The following PLEC variants were observed in gnomAD, a reference collection of about 807,000 sequenced individuals.
PLEC encodes the protein hemidesmosomal protein 1.
In PLEC, 216 loss-of-function variants were observed where a neutral mutation model predicts 392.8. That is an observed-to-expected ratio of 0.55 (90% CI 0.49 to 0.62). The LOEUF (loss-of-function observed/expected upper bound fraction) is 0.62. Ranked by LOEUF, PLEC falls within the 20% of genes least tolerant of loss-of-function variation. The probability of loss-of-function intolerance (pLI) is 0.00; values close to 1 mark genes in which losing one functional copy is unlikely to be tolerated. For missense variants in PLEC, 6,863 were observed against 6,563.4 expected (o/e 1.05, Z -1.58); for synonymous variants, 3,621 against 2,980.6 (o/e 1.21, Z -7.00).
At chr8:143,945,134 C>T (rs1049081003) in intron 1 of PLEC, 2 of 417,596 alleles carry the variant, frequency 4.8e-6, no homozygotes, top group Admixed American at 3.6e-5. Context: ...CCCATTCTCC[C>T]AGAGGGCCCT....
chr8:143,952,951 AC>A (rs1554737792), upstream of PLEC, among the ~76,000 whole-genome samples: 1 of 143,262 alleles, frequency 7.0e-6, no homozygotes, highest in Admixed American at 6.9e-5. Context: ...TTCCTGGCCC[AC>A]CCTGCCAGCT....
At chr8:143,938,458 G>T (rs1042269990) in intron 2 of PLEC, 173 bp downstream of exon 2, 6 of 1,546,210 alleles carry the variant, frequency 3.9e-6, no homozygotes, top group Non-Finnish European at 5.2e-6. Context: ...AGAGGAGGAA[G>T]AGAGAGGCAG....
At position 143,969,341 on chromosome 8, in the gene PLEC, T is replaced by A. The variant is rs1833293887; in HGVS notation, c.70+4062A>T. On this transcript the variant is annotated intron_variant, in intron 1 of 31. Coordinates refer to the PLEC transcript ENST00000356346. The surrounding 1 kb of genome is among the most constrained non-coding windows in gnomAD (Gnocchi z 5.1). ...CTCCCTGTCCCCCATCCAGGGCAGA[T>A]TCCTCTGGGGCTGAGGCTACTGCAG... Among the ~76,000 whole-genome samples the A allele has an allele frequency of 6.6e-6, 1 of 152,184 alleles. No homozygotes were observed. The highest frequency in any genetic ancestry group is 2.4e-5 in the African/African-American group (1 of 41,450).
rs1825822884 is a variant in PLEC at position 143,927,911 on chromosome 8, C to G, written c.3342G>C (p.Glu1114Asp). The change falls in exon 26 of 32, where the codon GAG becomes GAC. Residue 1114 changes from glutamate to aspartate, a missense_variant. By Grantham distance (45) the Glu-to-Asp change is conservative. Coordinates refer to ENST00000345136, the MANE Select transcript of PLEC (RefSeq NM_201384.3). Reference sequence around the variant, plus strand: ...GGAGGGTGGCCGGCACGGCCTGGGCCTCCTTGAGCTGCTCCTCGTGGGCCC... The same window carrying G: ...GGAGGGTGGCCGGCACGGCCTGGGCGTCCTTGAGCTGCTCCTCGTGGGCCC... ...VLRAHEEQLK[E>D]AQAVPATLPE... The G allele has an allele frequency of 6.3e-7, 1 of 1,598,884 alleles. No homozygotes were observed. The highest frequency in any genetic ancestry group is 8.5e-7 in the Non-Finnish European group (1 of 1,173,714).
Position 143,925,907 on chromosome 8 carries a change from AAGAGAAGC to A in PLEC, c.4045-31_4045-24del, listed in dbSNP as rs1379926962. 3.9e-6 allele frequency: 6 copies of A among 1,536,190 alleles called. No individual in the cohort carries two copies. In the Admixed American group the frequency reaches 5.9e-5, roughly 15 times the overall value. On this transcript the variant is annotated intron_variant, in intron 30 of 31. Transcript: ENST00000345136. ...CCTCTGTGGCCACAGCAGAGAGAAGAAGAGAAGCAGAGAGAGTGTGAACACGGGCAGGC... is the reference window on the plus strand; with the variant it reads ...CCTCTGTGGCCACAGCAGAGAGAAGAAGAGAGAGTGTGAACACGGGCAGGC...
rs782567404 is a variant in PLEC, at chr8:143,937,125, G to A, written c.342+40C>T. 5 of 1,608,952 alleles carry A rather than the reference G, an allele frequency of 3.1e-6. No homozygotes were observed. In the Admixed American group the frequency reaches 8.3e-5, roughly 27 times the overall value. The stretch of plus-strand genomic sequence containing the variant: ...CCACAGGGCGGGGCTGGCTTGGTGA[G>A]GGGTCTGGGTGGGGCCCAGGGCCTG... On this transcript the variant is annotated intron_variant, in intron 4 of 31. Coordinates refer to ENST00000345136, the MANE Select transcript of PLEC (RefSeq NM_201384.3).
upstream of PLEC, chr8:143,944,032 T>TAAGCGGCGGCAGCCCCAC: frequency 7.6e-7 from 1 of 1,314,324 alleles, no homozygotes; most frequent in African/African-American, 1.5e-5. Context: ...GACCGCCCCA[T>TAAGCGGCGGCAGCCCCAC]ACGCGGCGGC....
chr8:143,947,628 T>C (rs1184687760), intron 1 of PLEC, among the ~76,000 whole-genome samples: 2 of 150,744 alleles, frequency 1.3e-5, no homozygotes, highest in Non-Finnish European at 2.9e-5. Flanking sequence ...CTCATGCCTG[T>C]AATCCCAGCT....
intron 12 of PLEC, 49 bp from the exon 13 acceptor site, chr8:143,933,400 C>T: frequency 6.9e-6 from 11 of 1,600,054 alleles, no homozygotes; most frequent in South Asian, 1.1e-5. Context: ...CCCCTCTGAC[C>T]TCACAGGGGC....
upstream of PLEC, among the ~76,000 whole-genome samples, chr8:143,939,894 CAGA>C (rs1830119221): frequency 2.0e-5 from 3 of 152,220 alleles, no homozygotes; most frequent in South Asian, 6.2e-4. Context: ...CACAGCCACC[CAGA>C]AGGACCCCCC....
rs1822722671 is a variant in PLEC, at chr8:143,921,555, C to T, written c.8266G>A (p.Glu2756Lys). 1.2e-6 allele frequency: 2 copies of T among 1,612,586 alleles called. No homozygotes were observed. The highest frequency in any genetic ancestry group is 1.7e-6 in the Non-Finnish European group (2 of 1,179,636). ...RRLTVNEAVKEGVVGPELHHK... is the reference protein window; with the variant it reads ...RRLTVNEAVKKGVVGPELHHK... ...TGCAGCTCGGGGCCCACCACACCCT[C>T]CTTCACAGCCTCGTTGACGGTCAGC... Residue 2756 changes from glutamate to lysine, a missense_variant, in exon 32 of 32, where the codon GAG (glutamate) becomes AAG (lysine). Coordinates refer to ENST00000345136, the MANE Select transcript of PLEC (RefSeq NM_201384.3).
At chr8:143,949,887 G>A (rs1831933983) in intron 1 of PLEC, among the ~76,000 whole-genome samples, 1 of 152,200 alleles carries the variant, frequency 6.6e-6, no homozygotes, top group African/African-American at 2.4e-5. Context: ...GGCGGAGGGG[G>A]CGAAGGCAAG....
chr8:143,923,779 T>C lies in PLEC; in HGVS notation c.6150A>G (p.Glu2050=). The C allele has an allele frequency of 1.9e-6, 3 of 1,572,034 alleles. No individual in the cohort carries two copies. Among genetic ancestry groups the C allele is most frequent in the Non-Finnish European group, 2.6e-6 (3 of 1,167,056 alleles). ...GCACCGCGAAGGCGTGTGCCTTCTC[T>C]TCCGCCTGCAGCCGCTTCTGGGCGG... is the stretch of plus-strand genomic sequence containing the variant. ...QEAAQKRLQA[E]EKAHAFAVQQ... Residue 2050 remains glutamate (E), a synonymous_variant, in exon 31 of 32, where the codon GAA becomes GAG. Coordinates refer to ENST00000345136, the MANE Select transcript of PLEC (RefSeq NM_201384.3).
chr8:143,953,636 C>A (rs1008027884), upstream of PLEC: 3 of 1,398,478 alleles, frequency 2.1e-6, no homozygotes, highest in Admixed American at 1.9e-5. Flanking sequence ...GGATGGCAGA[C>A]CCTGCCCGCC....
At position 143,923,592 on chromosome 8, in the gene PLEC, C is replaced by T. The variant is rs1554693228; in HGVS notation, c.6337G>A (p.Glu2113Lys). The T allele has an allele frequency of 6.3e-7, 1 of 1,595,064 alleles. No homozygotes were observed. The highest frequency in any genetic ancestry group is 1.7e-5 in the Admixed American group (1 of 59,732). The change falls in exon 31 of 32, where the codon GAG becomes AAG. Residue 2113 changes from glutamate to lysine, a missense_variant. By Grantham distance (56) the Glu-to-Lys change is moderately conservative (BLOSUM62 1). Transcript: ENST00000345136. ...GCCGACTGCTTCAGCCGCTCGGCCT[C>T]TTCCACCTGCCGCCGGGACTGCGCC... ...EAAQSRRQVEEAERLKQSAEE... is the reference protein window; with the variant it reads ...EAAQSRRQVEKAERLKQSAEE...
intron 1 of PLEC, among the ~76,000 whole-genome samples, chr8:143,963,269 G>C (rs1394119572): frequency 6.6e-6 from 1 of 152,210 alleles, no homozygotes; most frequent in East Asian, 1.9e-4. Flanking sequence ...GACCCAGGCA[G>C]CTGCAAACAT....
At position 143,917,005 on chromosome 8, in the gene PLEC, G is replaced by A; in HGVS notation, c.12816C>T (p.Asp4272=). The A allele has an allele frequency of 6.2e-7, 1 of 1,612,824 alleles. No individual in the cohort carries two copies. Among genetic ancestry groups the A allele is most frequent in the East Asian group, 2.2e-5 (1 of 44,874 alleles). Residue 4272 remains aspartate (D), a synonymous_variant, in exon 32 of 32, where the codon GAC becomes GAT. Coordinates refer to ENST00000345136, the MANE Select transcript of PLEC (RefSeq NM_201384.3). ...VSRTQLASWS[D]PTEETGPVAG... is the part of the protein sequence containing the mutation. The stretch of plus-strand genomic sequence containing the variant: ...CCACGGGGCCCGTCTCCTCAGTGGG[G>A]TCTGACCAGGAGGCCAGCTGGGTCC...
At chr8:143,944,114 C>T (rs1039653571), upstream of PLEC, among the ~76,000 whole-genome samples, 1 of 152,106 alleles carries the variant, frequency 6.6e-6, no homozygotes, top group Admixed American at 6.5e-5. Context: ...GCCTCCCCAC[C>T]CTCGCTCCCC....
In PLEC at chr8:143,923,569, C is replaced by T. The variant is rs376614483; in HGVS notation, c.6360G>A (p.Ser2120=). Residue 2120 remains serine (S), a synonymous_variant, in exon 31 of 32, where the codon TCG becomes TCA. Transcript: ENST00000345136. ...CCCGGGCCTGTGCCTGCTCCTCTGC[C>T]GACTGCTTCAGCCGCTCGGCCTCTT... The part of the protein sequence containing the change: ...QVEEAERLKQ[S]AEEQAQARAQ... The T allele has an allele frequency of 1.1e-4, 172 of 1,597,244 alleles. No homozygotes were observed. Among genetic ancestry groups the T allele is most frequent in the African/African-American group, 2.3e-4 (17 of 74,722 alleles).
Sources: gnomAD v4.1 joint callset for allele counts (sites outside exome capture counted in the v4.1 genomes callset) on GRCh38, gnomAD v4.1.1 for gene constraint, Gnocchi (gnomAD v3.1) non-coding constraint, MANE v1.5 for transcripts, NCBI Gene and HGNC (gene_info 2026-07-23, HGNC 2026-07-21) for gene names.